The following ACACB variants were observed in gnomAD, a reference collection of about 807,000 sequenced individuals.
The protein encoded by ACACB is acetyl-CoA carboxylase 2.
In ACACB, 209 loss-of-function variants were observed where a neutral mutation model predicts 278.8. The ratio of observed to expected loss-of-function variants is 0.75; its 90% CI spans 0.67 to 0.84. The LOEUF (loss-of-function observed/expected upper bound fraction) is 0.84, where lower values mean the gene tolerates loss of function less well. ACACB is among the 40% of genes least tolerant of loss of function. ACACB has a pLI of 0.00. For missense variants in ACACB, 2,850 were observed against 3,269.0 expected, an observed-to-expected ratio of 0.87 and a Z score of 3.13; for synonymous variants, 1,174 against 1,285.6, an observed-to-expected ratio of 0.91 and a Z score of 1.86.
intron 49 of ACACB, chr12:109,262,982 ATT>A (rs1491589459): frequency 7.3e-6 from 1 of 137,636 alleles, no homozygotes; most frequent in African/African-American, 2.7e-5. Flanking sequence ...ATATATATAT[ATT>A]GCCATCGTGA....
At chr12:109,249,864 A>G (rs1340809719) in intron 40 of ACACB, 120 bp from the exon 41 acceptor site, 3 of 1,353,742 alleles carry the variant, frequency 2.2e-6, no homozygotes, top group Non-Finnish European at 3.0e-6. Context: ...TTGCCTCTGG[A>G]TGCTTTGTCT....
intron 32 of ACACB, 57 bp from the exon 33 acceptor site, chr12:109,235,549 A>C: frequency 1.3e-6 from 2 of 1,511,362 alleles, no homozygotes; most frequent in East Asian, 2.3e-5. Context: ...AAGGATGTAC[A>C]TATTTCAGTG....
chr12:109,221,197 T>C (rs1279410037), intron 24 of ACACB, among the ~76,000 whole-genome samples: 2 of 152,208 alleles, frequency 1.3e-5, no homozygotes. Flanking sequence ...TATCAATATG[T>C]TGAAGTTTTT....
intron 22 of ACACB, among the ~76,000 whole-genome samples, chr12:109,216,122 A>T (rs977487878): frequency 4.7e-5 from 7 of 149,090 alleles, no homozygotes; most frequent in African/African-American, 7.5e-5. Context: ...TTTGTTTTGT[A>T]GATATGGGGT....
chr12:109,170,671 C>T (rs1199616632), intron 4 of ACACB, among the ~76,000 whole-genome samples: 6 of 152,016 alleles, frequency 3.9e-5, no homozygotes, highest in African/African-American at 1.4e-4. Context: ...GGGAGTTGTT[C>T]ATGAGTATAG....
chr12:109,216,983 T>C lies in ACACB; in HGVS notation c.3564+63T>C. 2.6e-6 allele frequency: 4 copies of C among 1,567,716 alleles called. No individual in the cohort carries two copies. In the South Asian group the frequency reaches 3.5e-5, roughly 14 times the overall value. The stretch of plus-strand genomic sequence containing the variant: ...GGTCAGGAGTCCACAAACGTTTTCT[T>C]AAAAGGGCCAGAAAGTGGCTGGGTG... On this transcript the variant is annotated intron_variant, in intron 24 of 52. Coordinates refer to ENST00000338432, the MANE Select transcript of ACACB (RefSeq NM_001093.4).
rs764191587 is a variant in ACACB, at chr12:109,254,244, C to T, written c.6076C>T (p.Pro2026Ser). Residue 2026 changes from proline to serine, a missense_variant, in exon 44 of 53, where the codon CCC becomes TCC. Transcript: ENST00000338432. ...TCACAGCCCTGTCCCTATCATCACA[C>T]CCACTGACCCCATTGACAGAGAAAT... ...DNHSPVPIITPTDPIDREIEF... is the reference protein window; with the variant it reads ...DNHSPVPIITSTDPIDREIEF... The T allele has an allele frequency of 6.2e-7, 1 of 1,613,632 alleles. No individual in the cohort carries two copies. Among genetic ancestry groups the T allele is most frequent in the Non-Finnish European group, 8.5e-7 (1 of 1,179,664 alleles).
chr12:109,162,657 G>A (rs2043766014), intron 2 of ACACB, among the ~76,000 whole-genome samples: 1 of 152,162 alleles, frequency 6.6e-6, no homozygotes, highest in African/African-American at 2.4e-5. Flanking sequence ...AATAGGTGCT[G>A]AATTCTTAGA....
chr12:109,168,432 T>C (rs906378184), intron 4 of ACACB, among the ~76,000 whole-genome samples: 2 of 152,206 alleles, frequency 1.3e-5, no homozygotes, highest in African/African-American at 4.8e-5. Flanking sequence ...CTGAACAGTC[T>C]TATCCTTTTA....
intron 49 of ACACB, chr12:109,263,658 C>G (rs2047438668): frequency 6.6e-6 from 1 of 152,082 alleles, no homozygotes; most frequent in Admixed American, 6.6e-5. Context: ...GGCATTATTT[C>G]TTTATGTTTT....
rs2047445614 is a variant in ACACB at position 109,263,982 on chromosome 12, T to TGA, written c.6788-247_6788-246dup. On this transcript the variant is annotated intron_variant, in intron 49 of 52. Transcript: ENST00000338432. The stretch of plus-strand genomic sequence containing the variant: ...CTGAGACTGTACTAGCTATTTGATC[T>TGA]GAGACAAAGGGGGCCATCAAGATGG... 24 of 479,952 alleles carry TGA rather than the reference T, an allele frequency of 5.0e-5. 1 individual carries two copies. In the South Asian group the frequency reaches 8.1e-4, roughly 16 times the overall value. The allele number at this position is 479,952 out of a possible 1,614,324, so 29.7% of individuals were successfully genotyped here.
At position 109,189,779 on chromosome 12, in the gene ACACB, C is replaced by T. The variant is rs550382239; in HGVS notation, c.2144+1617C>T. On this transcript the variant is annotated intron_variant, in intron 13 of 52. Coordinates refer to ENST00000338432, the MANE Select transcript of ACACB (RefSeq NM_001093.4). ...AAATGGGGTCATCAGTGTCCTTCCCCGTTACCTGCTGACAGCACACAGGAT... is the reference window on the plus strand; with the variant it reads ...AAATGGGGTCATCAGTGTCCTTCCCTGTTACCTGCTGACAGCACACAGGAT... Among the ~76,000 whole-genome samples the T allele has an allele frequency of 1.5e-3, 228 of 152,260 alleles. 2 individuals are homozygous for T. Among genetic ancestry groups the T allele is most frequent in the East Asian group, 2.9e-3 (15 of 5,174 alleles).
chr12:109,241,184 G>T lies in ACACB; in HGVS notation c.4925G>T (p.Gly1642Val). 6.2e-7 allele frequency: 1 copy of T among 1,614,186 alleles called. No individual in the cohort carries two copies. Among genetic ancestry groups the T allele is most frequent in the Non-Finnish European group, 8.5e-7 (1 of 1,180,046 alleles). ...VKINIRQTTTGSAVPIRLFIT... is the reference protein window; with the variant it reads ...VKINIRQTTTVSAVPIRLFIT... ...ATCAACATCCGCCAGACCACCACCGGCAGTGCCGTTCCCATCCGCCTGTTC... is the reference window on the plus strand; with the variant it reads ...ATCAACATCCGCCAGACCACCACCGTCAGTGCCGTTCCCATCCGCCTGTTC... The change falls in exon 36 of 53, where the codon GGC becomes GTC. Residue 1642 changes from glycine (G) to valine (V), a missense_variant. By Grantham distance (109) the Gly-to-Val change is moderately radical. Around this residue, in one of 3 missense-constraint regions of ACACB, gnomAD observed 2,265 missense variants for 2,561.3 expected, o/e 0.88. Transcript: ENST00000338432.
At chr12:109,135,878 C>T (rs930406324) in intron 1 of ACACB, among the ~76,000 whole-genome samples, 4 of 148,108 alleles carry the variant, frequency 2.7e-5, no homozygotes, top group Non-Finnish European at 5.9e-5. Context: ...GGTGCGATCT[C>T]GGCTCACTGC....
At position 109,224,991 on chromosome 12, in the gene ACACB, G is replaced by A. The variant is rs16940064; in HGVS notation, c.3882+1087G>A. 3.5e-3 allele frequency among the ~76,000 whole-genome samples: 535 copies of A among 152,222 alleles called. 6 individuals are homozygous for A. Among genetic ancestry groups the A allele is most frequent in the African/African-American group, 0.012 (515 of 41,520 alleles). On this transcript the variant is annotated intron_variant, in intron 27 of 52. Coordinates refer to ENST00000338432, the MANE Select transcript of ACACB (RefSeq NM_001093.4). ...GTCACACAGTGAGAAGGTTTACTGG[G>A]TCTTCTGGAGACCATCTTGGGCTTG...
intron 12 of ACACB, among the ~76,000 whole-genome samples, chr12:109,187,126 G>A (rs555024341): frequency 7.3e-5 from 11 of 151,678 alleles, no homozygotes; most frequent in Non-Finnish European, 1.2e-4. Context: ...AGTGAGGAAG[G>A]ACGAAGGGAG....
chr12:109,175,099 A>C (rs938785228), intron 7 of ACACB, among the ~76,000 whole-genome samples: 1 of 152,196 alleles, frequency 6.6e-6, no homozygotes, highest in African/African-American at 2.4e-5. Context: ...GAGCTTTGAT[A>C]ATCTTACAGC....
At chr12:109,231,031 A>G (rs1418472733) in intron 28 of ACACB, among the ~76,000 whole-genome samples, 1 of 152,154 alleles carries the variant, frequency 6.6e-6, no homozygotes, top group Non-Finnish European at 1.5e-5. Flanking sequence ...GTAAAGGGCC[A>G]TGAGGAATAA....
chr12:109,127,433 A>C (rs1419435394), intron 1 of ACACB, among the ~76,000 whole-genome samples: 3 of 150,390 alleles, frequency 2.0e-5, no homozygotes, highest in Non-Finnish European at 4.4e-5. Flanking sequence ...AAAAAAAAAA[A>C]CCCAAAAAAC....
Sources: gnomAD v4.1 joint callset for allele counts (sites outside exome capture counted in the v4.1 genomes callset) on GRCh38, gnomAD v4.1.1 for gene constraint, gnomAD v4.1.1 regional missense constraint, MANE v1.5 for transcripts, NCBI Gene and HGNC (gene_info 2026-07-23, HGNC 2026-07-21) for gene names.